Variants in NEBL observed in about 807,000 individuals in gnomAD.
NEBL encodes the protein nebulette, also known as LIM and SH3 protein 2.
In NEBL, 122 loss-of-function variants were observed where a neutral mutation model predicts 140.2. The observed-to-expected ratio is 0.87, with a 90% CI of 0.75 to 1.01. The LOEUF is 1.01. Among genes scored for constraint, NEBL ranks in the 50% least tolerant of loss-of-function variants. The probability of loss-of-function intolerance (pLI) is 0.00; values close to 1 mark genes in which losing one functional copy is unlikely to be tolerated. For synonymous variants in NEBL, 436 were observed against 398.9 expected (o/e 1.09, Z -1.11); for missense variants, 1,365 against 1,231.3 (o/e 1.11, Z -1.62).
chr10:21,261,699 C>A (rs1245109553), intron 1 of NEBL, among the ~76,000 whole-genome samples: 1 of 151,876 alleles, frequency 6.6e-6, no homozygotes, highest in African/African-American at 2.4e-5. Flanking sequence ...AGGAGATGCT[C>A]TAAAAAGAAA....
chr10:21,022,645 C>T (rs116178411), intron 2 of NEBL, among the ~76,000 whole-genome samples: 3 of 152,144 alleles, frequency 2.0e-5, no homozygotes, highest in African/African-American at 4.8e-5. Flanking sequence ...AGAGTATAAA[C>T]GAATCTAGTT....
chr10:21,052,180 A>C (rs1334754468), intron 2 of NEBL, among the ~76,000 whole-genome samples: 1 of 152,232 alleles, frequency 6.6e-6, no homozygotes, highest in East Asian at 1.9e-4. Context: ...AAGGAAATGC[A>C]AGTTGCAATG....
intron 1 of NEBL, among the ~76,000 whole-genome samples, chr10:21,266,436 A>C (rs1268325699): frequency 6.6e-6 from 1 of 152,222 alleles, no homozygotes; most frequent in Non-Finnish European, 1.5e-5. Context: ...GCCACCACTC[A>C]TACAGCTCAT....
chr10:20,988,392 A>C (rs1837336204), intron 3 of NEBL, among the ~76,000 whole-genome samples: 1 of 152,124 alleles, frequency 6.6e-6, no homozygotes, highest in South Asian at 2.1e-4. Context: ...TACTGGAAAA[A>C]TGGGACTACT....
chr10:21,035,402 T>C (rs1004877517), intron 2 of NEBL, among the ~76,000 whole-genome samples: 1 of 151,764 alleles, frequency 6.6e-6, no homozygotes, highest in Non-Finnish European at 1.5e-5. Flanking sequence ...GTGTACAACC[T>C]TGTCAACTAC....
At chr10:20,840,678 T>G (rs1365629635) in intron 13 of NEBL, 61 bp downstream of exon 13, 1 of 1,136,940 alleles carries the variant, frequency 8.8e-7, no homozygotes, top group African/African-American at 1.5e-5. Context: ...TGAGAAAGAT[T>G]GACAAATAAG....
At chr10:20,914,809 AT>A (rs1848468483) in intron 4 of NEBL, among the ~76,000 whole-genome samples, 1 of 152,030 alleles carries the variant, frequency 6.6e-6, no homozygotes, top group African/African-American at 2.4e-5. Context: ...TTTACTATAC[AT>A]TGAGGGTAAT....
rs897297509 is a variant in NEBL, at chr10:21,221,607, C to T, written n.348+26314G>A. Among the ~76,000 whole-genome samples the T allele has an allele frequency of 5.9e-4, 89 of 151,912 alleles. 1 individual carries two copies. Among genetic ancestry groups the T allele is most frequent in the South Asian group, 2.1e-4 (1 of 4,814 alleles). ...GCAAGCTCTACCTCCCAGGCTCAAG[C>T]GAGTCTCCTGCCTCAGCCTCCTGAG... On this transcript the variant is annotated intron_variant and non_coding_transcript_variant, in intron 3 of 8. Coordinates refer to the NEBL transcript ENST00000675702.
At chr10:21,190,465 C>T (rs550840941) in intron 3 of NEBL, among the ~76,000 whole-genome samples, 51 of 152,294 alleles carry the variant, frequency 3.3e-4, no homozygotes, top group African/African-American at 1.2e-3. Context: ...GCCTGTGCGA[C>T]AGAGCGAGAC....
At chr10:20,974,191 T>C (rs1392218147) in intron 3 of NEBL, among the ~76,000 whole-genome samples, 2 of 152,116 alleles carry the variant, frequency 1.3e-5, no homozygotes, top group African/African-American at 4.8e-5. Flanking sequence ...CATCCTATCA[T>C]GCTACAAAAT....
At position 20,888,106 on chromosome 10, in the gene NEBL, G is replaced by A. The variant is rs1253834442; in HGVS notation, c.360C>T (p.Leu120=). ...DSVFAGEVTQ[L]QSEVAYKQKH... ...TTTAGAAAAACCCTACCTCACTCTG[G>A]AGCTGTGTAACTTCTCCTGCAAAAA... The change falls in exon 4 of 28, where the codon CTC becomes CTT. Residue 120 remains leucine (L), a synonymous_variant. Coordinates refer to ENST00000377122, the MANE Select transcript of NEBL (RefSeq NM_006393.3). 19 of 1,606,062 alleles carry A rather than the reference G, an allele frequency of 1.2e-5. No homozygotes were observed. The Admixed American group carries it at 2.8e-4, about 24-fold the overall frequency.
intron 17 of NEBL, among the ~76,000 whole-genome samples, chr10:20,827,728 A>C (rs1318382970): frequency 6.6e-6 from 1 of 152,212 alleles, no homozygotes; most frequent in Non-Finnish European, 1.5e-5. Flanking sequence ...TACACCACAG[A>C]ATACCATGCA....
chr10:21,223,819 G>A (rs1268835254), intron 3 of NEBL, among the ~76,000 whole-genome samples: 1 of 152,024 alleles, frequency 6.6e-6, no homozygotes, highest in East Asian at 1.9e-4. Flanking sequence ...TTATCTGTTT[G>A]CTCTTTGTAT....
Position 21,126,185 on chromosome 10 carries a change from A to C in NEBL, c.164+46198T>G, listed in dbSNP as rs76718496. On this transcript the variant is annotated intron_variant, in intron 2 of 6. Transcript: ENST00000417816. Reference sequence around the variant, plus strand: ...TGGTACCCCCCATAGAAAGGAAAAAAAATACCACATTTGGAATAATAACAA... The same window carrying C: ...TGGTACCCCCCATAGAAAGGAAAAACAATACCACATTTGGAATAATAACAA... 8 of 1,503,562 alleles carry C rather than the reference A, an allele frequency of 5.3e-6. No homozygotes were observed. The South Asian group carries it at 8.4e-5, about 16-fold the overall frequency. 93.1% of individuals were successfully genotyped at this position (1,503,562 alleles called of 1,614,324 possible).
At chr10:21,137,699 G>A (rs187567506) in intron 2 of NEBL, among the ~76,000 whole-genome samples, 12 of 152,232 alleles carry the variant, frequency 7.9e-5, no homozygotes, top group Non-Finnish European at 1.8e-4. Context: ...TTGGGAGGCT[G>A]AAGCAGAAGG....
At position 20,988,449 on chromosome 10, in the gene NEBL, C is replaced by T. The variant is rs565891654; in HGVS notation, c.250-26670G>A. On this transcript the variant is annotated intron_variant, in intron 3 of 6. Coordinates refer to the NEBL transcript ENST00000417816. The stretch of plus-strand genomic sequence containing the variant: ...TCCCACCAAAAAAAAATTGACCAAC[C>T]CTCTGCCTTGTCTCTGTTTCAACAG... Among the ~76,000 whole-genome samples the T allele has an allele frequency of 1.2e-3, 185 of 152,200 alleles. 1 individual carries two copies. Among genetic ancestry groups the T allele is most frequent in the Non-Finnish European group, 2.3e-3 (157 of 68,006 alleles).
intron 4 of NEBL, among the ~76,000 whole-genome samples, chr10:20,949,493 A>G (rs1375123094): frequency 1.3e-5 from 2 of 152,182 alleles, no homozygotes; most frequent in African/African-American, 2.4e-5. Context: ...TATCACACAC[A>G]GGTTGGAGGC....
At chr10:20,872,121 T>G (rs1845006603) in intron 5 of NEBL, among the ~76,000 whole-genome samples, 1 of 152,174 alleles carries the variant, frequency 6.6e-6, no homozygotes, top group Non-Finnish European at 1.5e-5. Flanking sequence ...AATCTAAGCT[T>G]TACATGGGTT....
At chr10:20,917,712 G>A (rs1833373563) in intron 4 of NEBL, among the ~76,000 whole-genome samples, 1 of 152,182 alleles carries the variant, frequency 6.6e-6, no homozygotes, top group Admixed American at 6.5e-5. Context: ...AAAACACTTA[G>A]CAGCAACCAT....
Sources: allele counts gnomAD v4.1 joint callset (sites outside exome capture counted in the v4.1 genomes callset), GRCh38; gene constraint gnomAD v4.1.1; transcripts MANE v1.5; gene names NCBI Gene and HGNC (gene_info 2026-07-23, HGNC 2026-07-21).